CHL1: variants seen among roughly 807,000 people sequenced by gnomAD.
The protein encoded by CHL1 is neural cell adhesion molecule L1-like protein.
Under a neutral mutation model 141.9 loss-of-function variants are expected in CHL1, and 96 were observed. That is an observed-to-expected ratio of 0.68 (90% confidence interval 0.57 to 0.80). The LOEUF is 0.80. Ranked by LOEUF, CHL1 falls within the 30% of genes least tolerant of loss-of-function variation. CHL1 has a pLI of 0.00. For synonymous variants in CHL1, 613 were observed against 502.2 expected, an observed-to-expected ratio of 1.22 and a Z score of -2.95; for missense variants, 1,820 against 1,457.2, an observed-to-expected ratio of 1.25 and a Z score of -4.05.
intron 1 of CHL1, among the ~76,000 whole-genome samples, chr3:224,165 T>C (rs1243958329): frequency 6.6e-6 from 1 of 152,060 alleles, no homozygotes; most frequent in African/African-American, 2.4e-5. Context: ...TTTACAAAGG[T>C]GGTTTTGGTC....
At chr3:241,350 T>C (rs1006228499) in intron 1 of CHL1, among the ~76,000 whole-genome samples, 2 of 152,148 alleles carry the variant, frequency 1.3e-5, no homozygotes, top group African/African-American at 4.8e-5. Context: ...AAGTCATAGG[T>C]TTGATGTAGA....
At chr3:319,023 T>C (rs1372587426) in intron 2 of CHL1, among the ~76,000 whole-genome samples, 1 of 151,816 alleles carries the variant, frequency 6.6e-6, no homozygotes, top group African/African-American at 2.4e-5. Flanking sequence ...TGGATGCACC[T>C]GGAGGTCATT....
At chr3:350,668 T>A (rs1327915148) in intron 10 of CHL1, among the ~76,000 whole-genome samples, 1 of 152,042 alleles carries the variant, frequency 6.6e-6, no homozygotes, top group African/African-American at 2.4e-5. Flanking sequence ...CACAGTTGAT[T>A]TAGGCAAACC....
chr3:222,584 G>C (rs1009343265), intron 1 of CHL1, among the ~76,000 whole-genome samples: 1 of 152,112 alleles, frequency 6.6e-6, no homozygotes, highest in Non-Finnish European at 1.5e-5. Flanking sequence ...ATGGATCCTT[G>C]GGAAAACGAA....
At chr3:404,356 G>T (rs1321640312) in intron 27 of CHL1, among the ~76,000 whole-genome samples, 2 of 151,988 alleles carry the variant, frequency 1.3e-5, no homozygotes, top group African/African-American at 2.4e-5. Flanking sequence ...ATTATAAAGT[G>T]ATATGTACAT....
At position 366,209 on chromosome 3, in the gene CHL1, G is replaced by C. The variant is rs982526854; in HGVS notation, c.1751+94G>C. ...TTCTAGGTCGGGCATGCTGACTCAC[G>C]CTTGTAATCCCAGCACTTTGGGAGA... On this transcript the variant is annotated intron_variant, in intron 15 of 27. Transcript: ENST00000256509. The C allele has an allele frequency of 4.1e-6, 5 of 1,217,916 alleles. No homozygotes were observed. The African/African-American group carries it at 7.7e-5, about 19-fold the overall frequency. The allele number at this position is 1,217,916 out of a possible 1,614,324, so 75.4% of individuals were successfully genotyped here.
chr3:345,034 A>C (rs573119573), intron 9 of CHL1, among the ~76,000 whole-genome samples: 1 of 152,138 alleles, frequency 6.6e-6, no homozygotes, highest in Admixed American at 6.5e-5. Flanking sequence ...AATAATAAAC[A>C]TAAATTCTGT....
chr3:258,934 CT>C (rs538887029), intron 2 of CHL1, among the ~76,000 whole-genome samples: 9,931 of 130,302 alleles, frequency 0.076, 800 homozygotes, highest in African/African-American at 0.23. Context: ...ATGGCAACAT[CT>C]TTTTTTTTTT....
intron 2 of CHL1, among the ~76,000 whole-genome samples, chr3:286,340 G>C (rs1290214127): frequency 6.6e-6 from 1 of 152,194 alleles, no homozygotes; most frequent in South Asian, 2.1e-4. Flanking sequence ...GCTGGGCATG[G>C]TGGCTCATGC....
intron 2 of CHL1, among the ~76,000 whole-genome samples, chr3:297,582 C>G (rs1559216522): frequency 6.6e-6 from 1 of 152,106 alleles, no homozygotes; most frequent in African/African-American, 2.4e-5. Context: ...ATTTTAAAAT[C>G]ATACAATACT....
At position 407,971 on chromosome 3, in the gene CHL1, T is replaced by C. The variant is rs1709634046; in HGVS notation, c.*2260T>C. 6.6e-6 allele frequency: 1 copy of C among 152,140 alleles called. No homozygotes were observed. Among genetic ancestry groups the C allele is most frequent in the South Asian group, 2.1e-4 (1 of 4,828 alleles). The allele number at this position is 152,140 out of a possible 1,614,324, so 9.4% of individuals were successfully genotyped here. On this transcript the variant is annotated 3_prime_UTR_variant, in exon 28 of 28. Transcript: ENST00000256509. ...TGCTATCATTGTTACCTTTCCTCAA[T>C]ACTATTTGGCAACTACTGGGACTCT...
intron 1 of CHL1, among the ~76,000 whole-genome samples, chr3:232,204 A>T (rs1427181362): frequency 6.6e-6 from 1 of 152,154 alleles, no homozygotes; most frequent in African/African-American, 2.4e-5. Flanking sequence ...CATTCTGTGT[A>T]TTGGCATGTC....
chr3:264,379 A>G (rs2125212690), intron 2 of CHL1, among the ~76,000 whole-genome samples: 1 of 152,316 alleles, frequency 6.6e-6, no homozygotes, highest in African/African-American at 2.4e-5. Context: ...AGGAGTATGT[A>G]GTTTTTTTTA....
At chr3:217,821 A>G (rs896520874) in intron 1 of CHL1, 3 of 152,212 alleles carry the variant, frequency 2.0e-5, no homozygotes, top group African/African-American at 4.8e-5. Context: ...ATTTGTGTCT[A>G]TATGTATATA....
chr3:208,749 GAGGTAATTCTGC>G (rs113772645), intron 1 of CHL1, among the ~76,000 whole-genome samples: 2,302 of 152,288 alleles, frequency 0.015, 71 homozygotes, highest in African/African-American at 0.052. Context: ...GTGGAAAATG[GAGGTAATTCTGC>G]AGCTATCCCA....
chr3:293,350 A>T (rs1035123074), intron 2 of CHL1, among the ~76,000 whole-genome samples: 3 of 152,090 alleles, frequency 2.0e-5, no homozygotes, highest in African/African-American at 7.2e-5. Flanking sequence ...AAAAATACAA[A>T]AAATTAGCCG....
intron 1 of CHL1, among the ~76,000 whole-genome samples, chr3:241,344 C>G (rs760141298): frequency 6.6e-6 from 1 of 152,156 alleles, no homozygotes; most frequent in Non-Finnish European, 1.5e-5. Flanking sequence ...CTAATGAAGT[C>G]ATAGGTTTGA....
chr3:389,926 T>C (rs1055946929), intron 20 of CHL1, among the ~76,000 whole-genome samples: 1 of 152,166 alleles, frequency 6.6e-6, no homozygotes. Context: ...ATATGTAGAA[T>C]TATATGCACA....
chr3:223,754 G>C (rs545741492), intron 1 of CHL1, among the ~76,000 whole-genome samples: 1 of 152,180 alleles, frequency 6.6e-6, no homozygotes, highest in African/African-American at 2.4e-5. Context: ...ATCTCTGAAA[G>C]CTCAGAGGCT....
Sources: allele counts gnomAD v4.1 joint callset (sites outside exome capture counted in the v4.1 genomes callset), GRCh38; gene constraint gnomAD v4.1.1; transcripts MANE v1.5; gene names NCBI Gene and HGNC (gene_info 2026-07-23, HGNC 2026-07-21).